The following PKHD1 variants were observed in gnomAD, a reference collection of about 807,000 sequenced individuals.
PKHD1 encodes the protein fibrocystin.
In PKHD1, 291 loss-of-function variants were observed where a neutral mutation model predicts 412.0. The observed-to-expected ratio is 0.71, with a 90% CI of 0.64 to 0.78. The LOEUF is 0.78. Ranked by LOEUF, PKHD1 falls within the 30% of genes least tolerant of loss-of-function variation. PKHD1 has a pLI of 0.00. For missense variants in PKHD1, 4,825 were observed against 4,950.7 expected (o/e 0.97, Z 0.76); for synonymous variants, 1,777 against 1,821.5 (o/e 0.98, Z 0.62).
Position 52,046,019 on chromosome 6 carries a change from C to T in PKHD1, c.2577G>A (p.Leu859=), listed in dbSNP as rs747583853. 2.5e-6 allele frequency: 4 copies of T among 1,612,654 alleles called. No homozygotes were observed. The African/African-American group carries it at 4.0e-5, about 16-fold the overall frequency. Residue 859 remains leucine, a synonymous_variant, in exon 24 of 67, where the codon TTG becomes TTA. Coordinates refer to ENST00000371117, the MANE Select transcript of PKHD1 (RefSeq NM_138694.4). ...CTATACATACCCTGATAAAATTGGG[C>T]AAATCCCCAATCTGAGTGGACCAGG... is the stretch of plus-strand genomic sequence containing the variant. The part of the protein sequence containing the change: ...TLSWSTQIGD[L]PNFIRVSDEN...
chr6:51,825,629 A>G (rs1767173841), intron 52 of PKHD1, among the ~76,000 whole-genome samples: 1 of 152,156 alleles, frequency 6.6e-6, no homozygotes, highest in Non-Finnish European at 1.5e-5. Flanking sequence ...CTATCTAACT[A>G]TAATGCATGG....
intron 36 of PKHD1, among the ~76,000 whole-genome samples, chr6:51,956,441 T>C (rs1199922094): frequency 6.6e-6 from 1 of 152,034 alleles, no homozygotes; most frequent in Non-Finnish European, 1.5e-5. Context: ...CAGGACCATT[T>C]ACTTGTCCAT....
At chr6:51,664,797 C>G (rs1036201995) in intron 60 of PKHD1, among the ~76,000 whole-genome samples, 4 of 152,078 alleles carry the variant, frequency 2.6e-5, no homozygotes, top group African/African-American at 9.7e-5. Flanking sequence ...CCTATTTTCT[C>G]CCATTTTTAT....
chr6:51,705,967 C>T (rs1364662390), intron 60 of PKHD1, among the ~76,000 whole-genome samples: 1 of 152,074 alleles, frequency 6.6e-6, no homozygotes, highest in East Asian at 1.9e-4. Flanking sequence ...ATTAAATAAA[C>T]TTAATACTAA....
chr6:51,647,199 T>C (rs1432128672), intron 63 of PKHD1, among the ~76,000 whole-genome samples: 1 of 152,198 alleles, frequency 6.6e-6, no homozygotes, highest in Non-Finnish European at 1.5e-5. Flanking sequence ...CGTAATAAAT[T>C]AATATGTGTC....
At chr6:51,953,493 A>C (rs1467298935) in intron 36 of PKHD1, among the ~76,000 whole-genome samples, 2 of 152,048 alleles carry the variant, frequency 1.3e-5, no homozygotes, top group East Asian at 3.9e-4. Context: ...TAACATTTCT[A>C]GATAACTGCA....
At chr6:51,915,066 A>G (rs1783561145) in intron 37 of PKHD1, among the ~76,000 whole-genome samples, 1 of 152,016 alleles carries the variant, frequency 6.6e-6, no homozygotes, top group South Asian at 2.1e-4. Context: ...TGTGTGGGGG[A>G]GGAAGTTTGC....
intron 1 of PKHD1, among the ~76,000 whole-genome samples, chr6:52,087,128 T>A (rs1271157061): frequency 6.6e-6 from 1 of 152,244 alleles, no homozygotes; most frequent in Non-Finnish European, 1.5e-5. Flanking sequence ...ATCCACTAAT[T>A]CTTCCTAAAA....
intron 36 of PKHD1, among the ~76,000 whole-genome samples, chr6:51,947,664 T>C (rs1245367919): frequency 6.6e-6 from 1 of 152,124 alleles, no homozygotes; most frequent in Non-Finnish European, 1.5e-5. Flanking sequence ...CACTGACACT[T>C]GGTGGGTCCC....
intron 60 of PKHD1, among the ~76,000 whole-genome samples, chr6:51,720,331 A>T (rs1240504396): frequency 6.6e-6 from 1 of 152,114 alleles, no homozygotes; most frequent in African/African-American, 2.4e-5. Context: ...ATTTTCTTCA[A>T]ATGTCCCACA....
intron 60 of PKHD1, among the ~76,000 whole-genome samples, chr6:51,708,404 C>T (rs1284675381): frequency 2.0e-5 from 3 of 152,134 alleles, no homozygotes; most frequent in Non-Finnish European, 4.4e-5. Flanking sequence ...TGTCCCTATC[C>T]AATCTATTCT....
chr6:51,912,657 A>G, intron 37 of PKHD1, 81 bp from the exon 38 acceptor site: 5 of 994,684 alleles, frequency 5.0e-6, no homozygotes, highest in East Asian at 2.5e-5. Flanking sequence ...AATAAATGTG[A>G]TGTTATTTAG....
intron 46 of PKHD1, among the ~76,000 whole-genome samples, chr6:51,879,038 C>T (rs1409567266): frequency 0.028 from 2,127 of 76,350 alleles, 5 homozygotes; most frequent in East Asian, 0.17. Context: ...AATAAAATAC[C>T]TAGGAATCCA....
At chr6:51,949,976 CT>C (rs1731487833) in intron 36 of PKHD1, among the ~76,000 whole-genome samples, 1 of 151,910 alleles carries the variant, frequency 6.6e-6, no homozygotes, top group African/African-American at 2.4e-5. Context: ...GCTTATGCAT[CT>C]CCCTGTTCTT....
chr6:52,019,525 C>A (rs1210682130), intron 33 of PKHD1, among the ~76,000 whole-genome samples: 2 of 152,126 alleles, frequency 1.3e-5, no homozygotes, highest in Non-Finnish European at 2.9e-5. Context: ...AGCTCCACAC[C>A]TATAAAATAA....
chr6:51,988,388 G>C (rs1191476862), intron 35 of PKHD1, among the ~76,000 whole-genome samples: 3 of 152,116 alleles, frequency 2.0e-5, no homozygotes, highest in Non-Finnish European at 4.4e-5. Context: ...AAATTATCCA[G>C]CATATATTTT....
chr6:51,718,616 A>T (rs1473014577), intron 60 of PKHD1, among the ~76,000 whole-genome samples: 1 of 152,216 alleles, frequency 6.6e-6, no homozygotes, highest in Non-Finnish European at 1.5e-5. Context: ...ATACCACTAT[A>T]CTATGTCACA....
intron 36 of PKHD1, among the ~76,000 whole-genome samples, chr6:51,955,261 A>G (rs1561977763): frequency 6.6e-6 from 1 of 151,974 alleles, no homozygotes; most frequent in Admixed American, 6.6e-5. Flanking sequence ...GTAAGTAGAC[A>G]AAAGTTCTGG....
chr6:51,918,546 AG>A (rs1784189996), intron 37 of PKHD1, among the ~76,000 whole-genome samples: 1 of 152,216 alleles, frequency 6.6e-6, no homozygotes, highest in Non-Finnish European at 1.5e-5. Context: ...ATGGCTGCAT[AG>A]TATTCCACAG....
Sources: allele counts gnomAD v4.1 joint callset (sites outside exome capture counted in the v4.1 genomes callset), GRCh38; gene constraint gnomAD v4.1.1; transcripts MANE v1.5; gene names NCBI Gene and HGNC (gene_info 2026-07-23, HGNC 2026-07-21).